BTAF1: variants seen among roughly 807,000 people sequenced by gnomAD.
BTAF1 encodes the protein TATA-binding protein-associated factor 172.
In BTAF1, 38 loss-of-function variants were observed where a neutral mutation model predicts 227.1. The observed-to-expected ratio is 0.17, with a 90% CI of 0.13 to 0.22. The LOEUF is 0.22. BTAF1 is among the 10% of genes least tolerant of loss of function. The probability of loss-of-function intolerance (pLI) is 1.00; values close to 1 mark genes in which losing one functional copy is unlikely to be tolerated. For synonymous variants in BTAF1, 742 were observed against 751.9 expected (o/e 0.99, Z 0.21); for missense variants, 1,598 against 2,204.0 (o/e 0.73, Z 5.51).
chr10:92,010,329 T>C (rs2676803), intron 28 of BTAF1, among the ~76,000 whole-genome samples: 1 of 152,198 alleles, frequency 6.6e-6, no homozygotes, highest in African/African-American at 2.4e-5. Flanking sequence ...TTGTAAGTGA[T>C]AGAAATTCAA....
chr10:91,928,845 G>T lies in BTAF1; in HGVS notation c.14+4755G>T, dbSNP rs1405399815. 9.1e-5 allele frequency among the ~76,000 whole-genome samples: 13 copies of T among 143,624 alleles called. 1 individual carries two copies. In the Admixed American group the frequency reaches 9.7e-4, roughly 11 times the overall value. The allele number at this position is 143,624 out of a possible 152,430, so 94.2% of individuals were successfully genotyped here. A position where few individuals can be genotyped will look rare whatever the true frequency, so the allele number is the denominator to read the frequency against. On this transcript the variant is annotated intron_variant, in intron 1 of 37. Coordinates refer to ENST00000265990, the MANE Select transcript of BTAF1 (RefSeq NM_003972.3). The stretch of plus-strand genomic sequence containing the variant: ...TTGTTTGTTTGTTTGTTTGTTTTTG[G>T]AGGCAGAGTCTCACTCTGTCCTCCA...
intron 14 of BTAF1, among the ~76,000 whole-genome samples, chr10:91,973,577 T>C (rs1050818230): frequency 3.9e-5 from 6 of 152,134 alleles, no homozygotes; most frequent in Admixed American, 2.0e-4. Context: ...GCCATTCCTG[T>C]TTTGCAGATG....
Position 91,925,578 on chromosome 10 carries a change from C to T in BTAF1, c.14+1488C>T, listed in dbSNP as rs982682634. 2.2e-5 allele frequency among the ~76,000 whole-genome samples: 3 copies of T among 137,836 alleles called. No homozygotes were observed. In the Admixed American group the frequency reaches 2.6e-4, roughly 12 times the overall value. The allele number at this position is 137,836 out of a possible 152,430, so 90.4% of individuals were successfully genotyped here. A position where few individuals can be genotyped will look rare whatever the true frequency, so the allele number is the denominator to read the frequency against. On this transcript the variant is annotated intron_variant, in intron 1 of 37. Coordinates refer to ENST00000265990, the MANE Select transcript of BTAF1 (RefSeq NM_003972.3). ...CCAGGCTGGAGTGCAGTGGCGAGAT[C>T]TCGGCTCACTGCAAGCTCCGCATCC...
intron 34 of BTAF1, among the ~76,000 whole-genome samples, 165 bp downstream of exon 34, chr10:92,019,100 C>G (rs1005442535): frequency 1.3e-5 from 2 of 152,132 alleles, no homozygotes; most frequent in Non-Finnish European, 2.9e-5. Flanking sequence ...ATATATACAG[C>G]ACAAAATATG....
At chr10:91,929,341 TA>T (rs1266767426) in intron 1 of BTAF1, among the ~76,000 whole-genome samples, 1 of 152,226 alleles carries the variant, frequency 6.6e-6, no homozygotes, top group Non-Finnish European at 1.5e-5. Context: ...AGGTCATGTC[TA>T]AAATGTCTAG....
intron 16 of BTAF1, 87 bp downstream of exon 16, chr10:91,981,879 T>TG: frequency 7.0e-7 from 1 of 1,428,680 alleles, no homozygotes. Flanking sequence ...TGTATTGCCT[T>TG]AAGTGTGATT....
intron 11 of BTAF1, 133 bp downstream of exon 11, chr10:91,960,287 G>T: frequency 2.1e-6 from 2 of 946,810 alleles, no homozygotes; most frequent in Non-Finnish European, 3.0e-6. Context: ...TTGCCGTCTT[G>T]AGAGAGTGTC....
intron 4 of BTAF1, 105 bp from the exon 5 acceptor site, chr10:91,951,298 G>C: frequency 8.3e-7 from 1 of 1,207,738 alleles, no homozygotes. Flanking sequence ...TTTATTGGCA[G>C]AAGGGATGCT....
rs371408608 is a variant in BTAF1, at chr10:92,028,924, T to G, written c.5541T>G (p.Ser1847=). 7 of 1,583,880 alleles carry G rather than the reference T, an allele frequency of 4.4e-6. No homozygotes were observed. The highest frequency in any genetic ancestry group is 6.0e-6 in the Non-Finnish European group (7 of 1,168,626). Residue 1847 remains serine (S), a synonymous_variant, in exon 38 of 38, where the codon TCT becomes TCG. Coordinates refer to ENST00000265990, the MANE Select transcript of BTAF1 (RefSeq NM_003972.3). ...ACAGCCTGGAAAATTTTATGCATTCTCTCAAGTAACTATCAAATATTGTAA... is the reference window on the plus strand; with the variant it reads ...ACAGCCTGGAAAATTTTATGCATTCGCTCAAGTAACTATCAAATATTGTAA... ...SEYSLENFMH[S]LK
intron 25 of BTAF1, among the ~76,000 whole-genome samples, chr10:91,999,578 G>C (rs1242769501): frequency 1.3e-5 from 2 of 152,198 alleles, no homozygotes; most frequent in East Asian, 3.8e-4. Flanking sequence ...ATTTTTAGTA[G>C]AGACGGGATT....
intron 30 of BTAF1, among the ~76,000 whole-genome samples, chr10:92,013,435 C>T (rs1850504880): frequency 1.3e-5 from 2 of 152,242 alleles, no homozygotes; most frequent in Non-Finnish European, 1.5e-5. Flanking sequence ...TGGACCAAGG[C>T]TTATTCTAGG....
intron 5 of BTAF1, among the ~76,000 whole-genome samples, chr10:91,952,528 C>G (rs1182933180): frequency 6.6e-6 from 1 of 152,202 alleles, no homozygotes; most frequent in Non-Finnish European, 1.5e-5. Context: ...ATTAACAATT[C>G]CTGCTTTGCA....
In BTAF1 at chr10:91,997,754, A is replaced by G. The variant is rs1171603317; in HGVS notation, c.3660+3A>G. ...TAATTAGACTCATGCCACTTGAGGT[A>G]AGTCAAAGATACTTGCTTTAAAGAC... On this transcript the variant is annotated splice_donor_region_variant and intron_variant, in intron 25 of 37. Transcript: ENST00000265990. 1.9e-6 allele frequency: 3 copies of G among 1,612,526 alleles called. No homozygotes were observed. The highest frequency in any genetic ancestry group is 2.5e-6 in the Non-Finnish European group (3 of 1,179,830).
chr10:91,983,513 G>C (rs946859789), intron 18 of BTAF1, among the ~76,000 whole-genome samples: 1 of 152,210 alleles, frequency 6.6e-6, no homozygotes, highest in Non-Finnish European at 1.5e-5. Flanking sequence ...AAGCTCATCT[G>C]TTTTTAGGCA....
intron 26 of BTAF1, 70 bp from the exon 27 acceptor site, chr10:92,008,759 T>C: frequency 7.2e-7 from 1 of 1,396,766 alleles, no homozygotes; most frequent in Non-Finnish European, 9.6e-7. Context: ...ACGTTGTTTA[T>C]AAGAAAATGT....
intron 24 of BTAF1, chr10:91,997,005 T>G (rs989648352): frequency 1.3e-6 from 1 of 764,098 alleles, no homozygotes; most frequent in African/African-American, 1.8e-5. Flanking sequence ...TACTAGATAA[T>G]TAGAAATATA....
At chr10:92,006,685 G>A (rs1849910889) in intron 25 of BTAF1, among the ~76,000 whole-genome samples, 2 of 152,134 alleles carry the variant, frequency 1.3e-5, no homozygotes, top group African/African-American at 4.8e-5. Context: ...TTTTATCAGT[G>A]ACAACAAGTT....
chr10:91,986,861 A>G (rs1848427423), intron 19 of BTAF1, among the ~76,000 whole-genome samples: 1 of 151,738 alleles, frequency 6.6e-6, no homozygotes. Context: ...TTTTTCTGTA[A>G]GGGACTTTTG....
chr10:91,932,514 G>A (rs1344405835), intron 1 of BTAF1, among the ~76,000 whole-genome samples: 1 of 152,144 alleles, frequency 6.6e-6, no homozygotes, highest in African/African-American at 2.4e-5. Context: ...TACAGTAAAT[G>A]TCAACTACAT....
Sources: gnomAD v4.1 joint callset for allele counts (sites outside exome capture counted in the v4.1 genomes callset) on GRCh38, gnomAD v4.1.1 for gene constraint, MANE v1.5 for transcripts, NCBI Gene and HGNC (gene_info 2026-07-23, HGNC 2026-07-21) for gene names.